The following NDUFAF6 variants were observed in gnomAD, a reference collection of about 807,000 sequenced individuals.
NDUFAF6 encodes NADH dehydrogenase (ubiquinone) complex I, assembly factor 6.
A neutral mutation model predicts 40.8 loss-of-function variants in NDUFAF6; 45 were observed. The observed-to-expected ratio is 1.10, with a 90% CI of 0.87 to 1.42. The LOEUF (loss-of-function observed/expected upper bound fraction) is 1.42. NDUFAF6 is among the 40% of genes most tolerant of loss of function. The pLI is 0.00. For synonymous variants in NDUFAF6, 185 were observed against 155.9 expected, an observed-to-expected ratio of 1.19 and a Z score of -1.39; for missense variants, 435 against 418.5, an observed-to-expected ratio of 1.04 and a Z score of -0.34.
intron 2 of NDUFAF6, among the ~76,000 whole-genome samples, chr8:95,091,051 C>CATATATATAT (rs74382918): frequency 9.9e-4 from 44 of 44,294 alleles, no homozygotes; most frequent in Admixed American, 9.5e-3. Flanking sequence ...TTAATAAACT[C>CATATATATAT]ATATATATAT....
At chr8:94,977,771 TGCTTTTGAA>T in intron 1 of NDUFAF6, among the ~76,000 whole-genome samples, 1 of 152,254 alleles carries the variant, frequency 6.6e-6, no homozygotes, top group South Asian at 2.1e-4. Flanking sequence ...GTTGGCTTCC[TGCTTTTGAA>T]GCTTTTGAAC....
chr8:95,080,468 TG>T (rs1808800990), downstream of NDUFAF6, among the ~76,000 whole-genome samples: 1 of 151,532 alleles, frequency 6.6e-6, no homozygotes, highest in Non-Finnish European at 1.5e-5. Flanking sequence ...AGTGTATTTT[TG>T]TAGTGTATTT....
intron 1 of NDUFAF6, among the ~76,000 whole-genome samples, chr8:94,942,597 C>T (rs1331283419): frequency 6.6e-6 from 1 of 152,208 alleles, no homozygotes; most frequent in Non-Finnish European, 1.5e-5. Context: ...CATGTATTTA[C>T]TGAGCACCTG....
At position 95,052,735 on chromosome 8, in the gene NDUFAF6, T is replaced by G. The variant is rs577020119; in HGVS notation, c.873+505T>G. ...TAACCTGGAAAACTTTTTAAAAATA[T>G]AGATTCCTGGAGTCTTCTTTTTTAG... On this transcript the variant is annotated intron_variant, in intron 8 of 8. Coordinates refer to ENST00000396124, the MANE Select transcript of NDUFAF6 (RefSeq NM_152416.4). Among the ~76,000 whole-genome samples, 25 of 152,328 alleles carry G rather than the reference T, an allele frequency of 1.6e-4. 1 individual carries two copies. The highest frequency in any genetic ancestry group is 1.4e-3 in the Admixed American group (22 of 15,304).
At chr8:95,005,553 A>ATAT (rs60157067) in intron 2 of NDUFAF6, among the ~76,000 whole-genome samples, 5 of 124,344 alleles carry the variant, frequency 4.0e-5, no homozygotes, top group East Asian at 2.2e-4. Context: ...ATATATATAT[A>ATAT]AAAAATATAT....
At chr8:94,903,845 G>C (rs528560768) in intron 1 of NDUFAF6, among the ~76,000 whole-genome samples, 1 of 152,292 alleles carries the variant, frequency 6.6e-6, no homozygotes, top group South Asian at 2.1e-4. Context: ...GTCAACCCCT[G>C]CTTCTGTAGG....
In NDUFAF6 at chr8:94,940,178, T is replaced by C. The variant is rs1214200215; in HGVS notation, c.-935-5305T>C. ...AGTAGGTGACTCTTCACTGATGTCCTCCTCTTCTTCTTCTTCTTCTGCTGA... is the reference window on the plus strand; with the variant it reads ...AGTAGGTGACTCTTCACTGATGTCCCCCTCTTCTTCTTCTTCTTCTGCTGA... On this transcript the variant is annotated intron_variant, in intron 1 of 14. Transcript: ENST00000396113. The C allele has an allele frequency of 3.1e-6, 5 of 1,613,668 alleles. No individual in the cohort carries two copies. In the South Asian group the frequency reaches 3.3e-5, roughly 11 times the overall value.
intron 2 of NDUFAF6, among the ~76,000 whole-genome samples, chr8:94,950,512 T>C (rs1822501647): frequency 6.6e-6 from 1 of 152,242 alleles, no homozygotes; most frequent in African/African-American, 2.4e-5. Context: ...ACCCTCACAA[T>C]GTAGTCAGTC....
At chr8:94,907,301 A>T (rs1818456432) in intron 1 of NDUFAF6, among the ~76,000 whole-genome samples, 1 of 152,252 alleles carries the variant, frequency 6.6e-6, no homozygotes, top group Admixed American at 6.5e-5. Context: ...AGGACCTTGC[A>T]CAGTGCATCA....
chr8:94,969,124 G>T (rs762100876), intron 1 of NDUFAF6, among the ~76,000 whole-genome samples: 1 of 152,114 alleles, frequency 6.6e-6, no homozygotes, highest in Admixed American at 6.5e-5. Flanking sequence ...AATTGGAGAG[G>T]CATCAGGATC....
chr8:95,099,798 G>A (rs1809593843), upstream of NDUFAF6, among the ~76,000 whole-genome samples: 1 of 152,128 alleles, frequency 6.6e-6, no homozygotes, highest in African/African-American at 2.4e-5. Context: ...TTGAAGTTCA[G>A]CTCTTCTCAT....
intron 2 of NDUFAF6, among the ~76,000 whole-genome samples, chr8:94,983,190 C>T (rs1173198010): frequency 6.6e-6 from 1 of 151,406 alleles, no homozygotes; most frequent in Non-Finnish European, 1.5e-5. Context: ...TTCCTGGGCC[C>T]TAACAATGTG....
intron 1 of NDUFAF6, among the ~76,000 whole-genome samples, chr8:94,898,098 C>G (rs1401774167): frequency 2.6e-5 from 4 of 152,114 alleles, no homozygotes; most frequent in Non-Finnish European, 5.9e-5. Flanking sequence ...TCCATATACT[C>G]ACTCCCCTCT....
intron 1 of NDUFAF6, among the ~76,000 whole-genome samples, chr8:94,921,703 G>A (rs921925403): frequency 6.6e-6 from 1 of 152,130 alleles, no homozygotes; most frequent in East Asian, 1.9e-4. Context: ...AAACCATCTG[G>A]GGAATCCTAC....
chr8:94,997,468 C>G (rs1826508734), intron 2 of NDUFAF6, among the ~76,000 whole-genome samples: 1 of 152,068 alleles, frequency 6.6e-6, no homozygotes, highest in Non-Finnish European at 1.5e-5. Flanking sequence ...GATGATATCC[C>G]TAAAGTAGCC....
intron 2 of NDUFAF6, among the ~76,000 whole-genome samples, chr8:94,987,091 T>C (rs1348581289): frequency 6.6e-6 from 1 of 152,222 alleles, no homozygotes; most frequent in African/African-American, 2.4e-5. Flanking sequence ...CTGAATGCAT[T>C]CCTTTGTCCC....
At chr8:94,911,464 A>G (rs1221086040) in intron 1 of NDUFAF6, among the ~76,000 whole-genome samples, 2 of 152,236 alleles carry the variant, frequency 1.3e-5, no homozygotes, top group African/African-American at 2.4e-5. Context: ...ATTAAAATAA[A>G]TGCAGAATGC....
chr8:95,033,117 T>G (rs977458797), intron 2 of NDUFAF6, among the ~76,000 whole-genome samples: 2 of 152,182 alleles, frequency 1.3e-5, no homozygotes, highest in Non-Finnish European at 2.9e-5. Flanking sequence ...CACAGCTTAT[T>G]GTAACCTTGA....
chr8:95,095,658 C>G (rs912134900), upstream of NDUFAF6, among the ~76,000 whole-genome samples: 9 of 129,228 alleles, frequency 7.0e-5, no homozygotes, highest in Non-Finnish European at 1.2e-4. Context: ...TAAAAAAGAT[C>G]ATTTCGCTTT....
Sources: gnomAD v4.1 joint callset for allele counts (sites outside exome capture counted in the v4.1 genomes callset) on GRCh38, gnomAD v4.1.1 for gene constraint, MANE v1.5 for transcripts, NCBI Gene and HGNC (gene_info 2026-07-23, HGNC 2026-07-21) for gene names.